Variants in ITSN2 observed in about 807,000 individuals in gnomAD.
ITSN2 encodes the protein intersectin-2.
ITSN2 carries 156 observed loss-of-function variants against 243.7 expected under a neutral mutation model. The ratio of observed to expected loss-of-function variants is 0.64; its 90% CI spans 0.56 to 0.73. The LOEUF (loss-of-function observed/expected upper bound fraction) is 0.73, where lower values mean the gene tolerates loss of function less well. Ranked by LOEUF, ITSN2 falls within the 30% of genes least tolerant of loss-of-function variation. The pLI is 0.00. For synonymous variants in ITSN2, 703 were observed against 699.9 expected, an observed-to-expected ratio of 1.00 and a Z score of -0.07; for missense variants, 1,801 against 1,996.1, an observed-to-expected ratio of 0.90 and a Z score of 1.86.
intron 2 of ITSN2, among the ~76,000 whole-genome samples, chr2:24,321,140 T>TG (rs1465947721): frequency 1.3e-5 from 2 of 152,216 alleles, no homozygotes; most frequent in Non-Finnish European, 2.9e-5. Context: ...TCTCTGAGGA[T>TG]GTCTGCATTG....
chr2:24,238,983 T>C (rs1187806084), intron 29 of ITSN2: 4 of 152,318 alleles, frequency 2.6e-5, no homozygotes, highest in Non-Finnish European at 4.4e-5. Flanking sequence ...TATTACAATT[T>C]TGTAAAAATA....
intron 29 of ITSN2, among the ~76,000 whole-genome samples, chr2:24,223,871 GA>G (rs77725134): frequency 2.7e-5 from 1 of 36,650 alleles, no homozygotes; most frequent in African/African-American, 5.3e-5. Flanking sequence ...AGGAAAGAAA[GA>G]AAAAAAAGAA....
chr2:24,299,231 C>T (rs1020743324), intron 12 of ITSN2, among the ~76,000 whole-genome samples: 3 of 151,966 alleles, frequency 2.0e-5, no homozygotes, highest in African/African-American at 4.8e-5. Flanking sequence ...GAGGGTTTCA[C>T]CATGTTGCCC....
At chr2:24,319,378 C>A (rs1051182842) in intron 2 of ITSN2, among the ~76,000 whole-genome samples, 3 of 152,168 alleles carry the variant, frequency 2.0e-5, no homozygotes, top group African/African-American at 7.2e-5. Context: ...CTGTAGCCTT[C>A]TTCTGCAAGA....
Position 24,312,260 on chromosome 2 carries a change from T to C in ITSN2, c.304A>G (p.Ile102Val), listed in dbSNP as rs768383486. The change falls in exon 5 of 40, where the codon ATT becomes GTT. Residue 102 changes from isoleucine to valine, a missense_variant. Ile to Val is a conservative substitution (Grantham distance 29, BLOSUM62 3). Around this residue, in one of 5 missense-constraint regions of ITSN2, gnomAD observed 787 missense variants for 803.9 expected, o/e 0.98. Coordinates refer to ENST00000355123, the MANE Select transcript of ITSN2 (RefSeq NM_006277.3). ...GAAAACATAGGGGGTTGCTTCATAA[T>C]AGGAGGGAGAACCACAGGCAACTGT... ...GQQLPVVLPPIMKQPPMFSPL... is the reference protein window; with the variant it reads ...GQQLPVVLPPVMKQPPMFSPL... 3.7e-6 allele frequency: 6 copies of C among 1,613,454 alleles called. No homozygotes were observed. Among genetic ancestry groups the C allele is most frequent in the East Asian group, 2.2e-5 (1 of 44,876 alleles).
chr2:24,217,141 C>T (rs1198552283), intron 31 of ITSN2, among the ~76,000 whole-genome samples: 51 of 150,738 alleles, frequency 3.4e-4, no homozygotes, highest in African/African-American at 1.2e-3. Context: ...CCCAGCTACT[C>T]GGGAGGCTGA....
chr2:24,207,935 A>G (rs1033668583), intron 37 of ITSN2, among the ~76,000 whole-genome samples: 13 of 151,950 alleles, frequency 8.6e-5, no homozygotes, highest in Middle Eastern at 3.4e-3. Context: ...ACCACAGCCC[A>G]AGCAGAGGTG....
intron 20 of ITSN2, among the ~76,000 whole-genome samples, chr2:24,267,241 T>C (rs1676764418): frequency 6.7e-6 from 1 of 150,340 alleles, no homozygotes; most frequent in South Asian, 2.1e-4. Context: ...TGTCAGGGGG[T>C]GGGGGACTAG....
chr2:24,320,257 C>T lies in ITSN2; in HGVS notation c.32-5033G>A, dbSNP rs796242657. Among the ~76,000 whole-genome samples, 21 of 151,970 alleles carry T rather than the reference C, an allele frequency of 1.4e-4. 1 individual carries two copies. Among genetic ancestry groups the T allele is most frequent in the African/African-American group, 4.8e-4 (20 of 41,446 alleles). Reference sequence around the variant, plus strand: ...TAGCCAGGCTGGGCGCGGTGGCTCACGCCTGTAATCCCAGCACTTTGGGAG... The same window carrying T: ...TAGCCAGGCTGGGCGCGGTGGCTCATGCCTGTAATCCCAGCACTTTGGGAG... On this transcript the variant is annotated intron_variant, in intron 2 of 39. Coordinates refer to ENST00000355123, the MANE Select transcript of ITSN2 (RefSeq NM_006277.3).
In ITSN2 at chr2:24,310,839, C is replaced by T. The variant is rs1683176010; in HGVS notation, c.353-147G>A. The T allele has an allele frequency of 4.6e-6, 3 of 655,470 alleles. No homozygotes were observed. The South Asian group carries it at 5.7e-5, about 13-fold the overall frequency. 40.6% of individuals were successfully genotyped at this position (655,470 alleles called of 1,614,324 possible). A position where few individuals can be genotyped will look rare whatever the true frequency, so the allele number is the denominator to read the frequency against. On this transcript the variant is annotated intron_variant, in intron 5 of 39. Transcript: ENST00000355123. ...CCTTAAAAAACTCACTACTTTGACC[C>T]AGCAGTGAGGGAGGTAAACTGCTGC...
intron 22 of ITSN2, 45 bp downstream of exon 22, chr2:24,261,061 A>T: frequency 6.4e-7 from 1 of 1,556,838 alleles, no homozygotes; most frequent in Non-Finnish European, 8.8e-7. Context: ...TTTAATCAGG[A>T]GCAAATTCAA....
intron 12 of ITSN2, among the ~76,000 whole-genome samples, chr2:24,299,305 T>C (rs1681427715): frequency 6.6e-6 from 1 of 152,220 alleles, no homozygotes. Context: ...AATGACTTCA[T>C]AAATATAAAT....
intron 29 of ITSN2, among the ~76,000 whole-genome samples, chr2:24,233,802 A>G (rs1399958388): frequency 6.6e-6 from 1 of 152,194 alleles, no homozygotes; most frequent in Non-Finnish European, 1.5e-5. Flanking sequence ...GAGCTAGCTG[A>G]GACAGGAATC....
In ITSN2 at chr2:24,205,302, A is replaced by C; in HGVS notation, c.4679-5T>G. 1 of 1,612,752 alleles carries C rather than the reference A, an allele frequency of 6.2e-7. No homozygotes were observed. Among genetic ancestry groups the C allele is most frequent in the Non-Finnish European group, 8.5e-7 (1 of 1,178,814 alleles). The stretch of plus-strand genomic sequence containing the variant: ...CTGAAGTCTTTTGGGAGCGGGCTAC[A>C]AAAGAGGAAGACAAGTCTCATTAAT... On this transcript the variant is annotated splice_polypyrimidine_tract_variant and splice_region_variant and intron_variant, in intron 37 of 39. Transcript: ENST00000355123.
chr2:24,243,117 G>T (rs755603748), intron 29 of ITSN2, among the ~76,000 whole-genome samples: 1 of 152,112 alleles, frequency 6.6e-6, no homozygotes, highest in Non-Finnish European at 1.5e-5. Context: ...ATCTTCTGTT[G>T]TATCTTTCAC....
chr2:24,278,017 T>C (rs1678238015), intron 17 of ITSN2, among the ~76,000 whole-genome samples: 1 of 152,198 alleles, frequency 6.6e-6, no homozygotes, highest in South Asian at 2.1e-4. Context: ...AGTTAATACA[T>C]ATAAAGTGCT....
chr2:24,283,846 A>G (rs1173686237), intron 17 of ITSN2, among the ~76,000 whole-genome samples: 1 of 152,240 alleles, frequency 6.6e-6, no homozygotes, highest in Non-Finnish European at 1.5e-5. Flanking sequence ...CACTTTACAG[A>G]TGAGGAAACT....
chr2:24,230,622 G>C (rs1189758456), intron 29 of ITSN2, among the ~76,000 whole-genome samples: 1 of 152,016 alleles, frequency 6.6e-6, no homozygotes, highest in Non-Finnish European at 1.5e-5. Context: ...ATAAAAATTA[G>C]CTGGGCATGG....
In ITSN2 at chr2:24,204,306, C is replaced by T. The variant is rs766771157; in HGVS notation, c.4875G>A (p.Lys1625=). 3.7e-6 allele frequency: 6 copies of T among 1,614,138 alleles called. No individual in the cohort carries two copies. In the East Asian group the frequency reaches 1.3e-4, roughly 36 times the overall value. The change falls in exon 39 of 40, where the codon AAG becomes AAA. Residue 1625 remains lysine, a synonymous_variant. Transcript: ENST00000355123. The surrounding 1 kb of genome is among the most constrained non-coding windows in gnomAD (Gnocchi z 5.1). ...GACACAGCACGTCTTGGTAGAGATC[C>T]TTAATAAAGAACTGGCAGTTAAAAT... is the stretch of plus-strand genomic sequence containing the variant. ...KWNFNCQFFI[K]DLYQDVLCLT... is the part of the protein sequence containing the mutation.
Sources: allele counts gnomAD v4.1 joint callset (sites outside exome capture counted in the v4.1 genomes callset), GRCh38; gene constraint gnomAD v4.1.1; regional missense constraint gnomAD v4.1.1; non-coding constraint Gnocchi (gnomAD v3.1); transcripts MANE v1.5; gene names NCBI Gene and HGNC (gene_info 2026-07-23, HGNC 2026-07-21).